Variants in HORMAD2 observed in about 807,000 individuals in gnomAD.
HORMAD2 encodes HORMA domain-containing protein 2.
Under a neutral mutation model 38.8 loss-of-function variants are expected in HORMAD2, and 45 were observed. The ratio of observed to expected loss-of-function variants is 1.16; its 90% CI spans 0.91 to 1.49. The LOEUF is 1.49. Ranked by LOEUF, HORMAD2 falls within the 40% of genes most tolerant of loss-of-function variation. The pLI is 0.00. For synonymous variants in HORMAD2, 126 were observed against 122.8 expected (o/e 1.03, Z -0.17); for missense variants, 338 against 367.0 (o/e 0.92, Z 0.65).
intron 2 of HORMAD2, among the ~76,000 whole-genome samples, chr22:30,097,430 A>G (rs545337447): frequency 4.6e-5 from 7 of 152,344 alleles, no homozygotes; most frequent in African/African-American, 1.2e-4. Flanking sequence ...TATGTTGTAT[A>G]TATATACACA....
At chr22:30,104,279 A>G in intron 4 of HORMAD2, 122 bp from the exon 5 acceptor site, 1 of 736,618 alleles carries the variant, frequency 1.4e-6, no homozygotes, top group South Asian at 1.6e-5. Flanking sequence ...ATTAAATGGG[A>G]AAGGTAAGAT....
chr22:30,187,702 G>A, the HORMAD2 span, among the ~76,000 whole-genome samples: 5 of 152,168 alleles, frequency 3.3e-5, no homozygotes, highest in Non-Finnish European at 4.4e-5. Flanking sequence ...GTAGAGGACT[G>A]CTGATTTAGC....
chr22:30,077,744 G>A (rs1420534138), upstream of HORMAD2, among the ~76,000 whole-genome samples: 1 of 152,156 alleles, frequency 6.6e-6, no homozygotes, highest in African/African-American at 2.4e-5. Flanking sequence ...GAAGCTTAGG[G>A]ACCTTGAGCA....
the HORMAD2 span, among the ~76,000 whole-genome samples, chr22:30,189,242 G>A: frequency 6.6e-6 from 1 of 152,076 alleles, no homozygotes; most frequent in East Asian, 1.9e-4. Flanking sequence ...AAGGCATTGG[G>A]ACAGGAAACT....
intron 10 of HORMAD2, among the ~76,000 whole-genome samples, chr22:30,174,473 G>T (rs1926309965): frequency 6.6e-6 from 1 of 152,100 alleles, no homozygotes; most frequent in South Asian, 2.1e-4. Flanking sequence ...AATTTTCTAT[G>T]AACCATTGAG....
At chr22:30,118,425 C>T (rs1922206627) in intron 7 of HORMAD2, among the ~76,000 whole-genome samples, 1 of 152,188 alleles carries the variant, frequency 6.6e-6, no homozygotes, top group South Asian at 2.1e-4. Context: ...CTTGGCCCTT[C>T]CAAACCAAAG....
intron 3 of HORMAD2, among the ~76,000 whole-genome samples, chr22:30,099,685 G>A (rs916892578): frequency 3.3e-5 from 5 of 152,094 alleles, no homozygotes; most frequent in South Asian, 2.1e-4. Flanking sequence ...TCAGGAGTTC[G>A]AGACCAGCCT....
intron 10 of HORMAD2, among the ~76,000 whole-genome samples, chr22:30,133,333 A>G (rs1262182518): frequency 6.6e-6 from 1 of 152,024 alleles, no homozygotes; most frequent in African/African-American, 2.4e-5. Context: ...CATTTATATT[A>G]GGATCTCAAA....
intron 10 of HORMAD2, among the ~76,000 whole-genome samples, chr22:30,123,991 T>C (rs9625922): frequency 0.12 from 17,863 of 143,976 alleles, 1,076 homozygotes; most frequent in Middle Eastern, 0.17. Flanking sequence ...AATTTCTTTC[T>C]TTTTTTTTTT....
At chr22:30,132,691 T>C (rs545470631) in intron 10 of HORMAD2, among the ~76,000 whole-genome samples, 1 of 152,236 alleles carries the variant, frequency 6.6e-6, no homozygotes, top group Non-Finnish European at 1.5e-5. Context: ...ATGTAATTGC[T>C]ATCCTCTGTT....
chr22:30,091,795 A>G (rs1258066306), intron 1 of HORMAD2, among the ~76,000 whole-genome samples: 1 of 152,182 alleles, frequency 6.6e-6, no homozygotes, highest in Non-Finnish European at 1.5e-5. Flanking sequence ...ACTAATTTAC[A>G]TTCTTACCAA....
the HORMAD2 span, among the ~76,000 whole-genome samples, chr22:30,205,651 C>T: frequency 3.3e-5 from 5 of 152,186 alleles, no homozygotes; most frequent in South Asian, 4.2e-4. Context: ...GAGGTACTGA[C>T]GAAAGTACTG....
At chr22:30,180,281 G>T (rs1389902167), downstream of HORMAD2, among the ~76,000 whole-genome samples, 2 of 152,124 alleles carry the variant, frequency 1.3e-5, no homozygotes, top group Non-Finnish European at 2.9e-5. Flanking sequence ...CAGGCTGCTT[G>T]AGATAGCCAG....
intron 10 of HORMAD2, among the ~76,000 whole-genome samples, chr22:30,139,723 A>G (rs933555945): frequency 6.6e-6 from 1 of 151,836 alleles, no homozygotes; most frequent in African/African-American, 2.4e-5. Context: ...TTTTTGTTTT[A>G]GGTGCCCTTT....
chr22:30,106,813 G>T (rs1009465845), intron 5 of HORMAD2, among the ~76,000 whole-genome samples: 9 of 152,294 alleles, frequency 5.9e-5, no homozygotes, highest in African/African-American at 2.2e-4. Flanking sequence ...AAGGATATTT[G>T]ATAATTAAAT....
intron 1 of HORMAD2, among the ~76,000 whole-genome samples, chr22:30,084,485 A>C (rs2068536430): frequency 2.0e-5 from 3 of 152,196 alleles, no homozygotes; most frequent in African/African-American, 7.2e-5. Context: ...GAACTTTGGG[A>C]TACACATTCA....
the HORMAD2 span, chr22:30,192,257 C>T: frequency 1.3e-5 from 2 of 152,234 alleles, no homozygotes; most frequent in Admixed American, 1.3e-4. Context: ...TTAACAAATA[C>T]CAACAGTTTA....
At chr22:30,104,250 C>T in intron 4 of HORMAD2, 151 bp from the exon 5 acceptor site, 1 of 677,418 alleles carries the variant, frequency 1.5e-6, no homozygotes, top group Non-Finnish European at 2.6e-6. Context: ...TTAAAAGTTG[C>T]TGGAAGTTTA....
chr22:30,128,259 C>T (rs4820829), intron 10 of HORMAD2, among the ~76,000 whole-genome samples: 20,819 of 152,042 alleles, frequency 0.14, 2,904 homozygotes, highest in African/African-American at 0.35. Flanking sequence ...AATCTTCCGC[C>T]GTCCCACCAT....
Sources: gnomAD v4.1 joint callset for allele counts (sites outside exome capture counted in the v4.1 genomes callset) on GRCh38, gnomAD v4.1.1 for gene constraint, MANE v1.5 for transcripts, NCBI Gene and HGNC (gene_info 2026-07-23, HGNC 2026-07-21) for gene names.